Variants in DPP10 observed in about 807,000 individuals in gnomAD.
The protein encoded by DPP10 is dipeptidyl peptidase like 10.
DPP10 carries 33 observed loss-of-function variants against 120.9 expected under a neutral mutation model. That is an observed-to-expected ratio of 0.27 (90% CI 0.21 to 0.37). The LOEUF (loss-of-function observed/expected upper bound fraction) is 0.37. DPP10 is among the 10% of genes least tolerant of loss of function. DPP10 has a pLI of 1.00. For missense variants in DPP10, 816 were observed against 942.8 expected (o/e 0.87, Z 1.76); for synonymous variants, 337 against 326.1 (o/e 1.03, Z -0.36).
At chr2:115,227,273 C>G (rs1297822507) in intron 1 of DPP10, among the ~76,000 whole-genome samples, 1 of 152,114 alleles carries the variant, frequency 6.6e-6, no homozygotes, top group Non-Finnish European at 1.5e-5. Flanking sequence ...CTTACAGACT[C>G]TACTAATTTT....
intron 1 of DPP10, among the ~76,000 whole-genome samples, chr2:115,031,454 C>A (rs902434217): frequency 2.6e-5 from 4 of 152,082 alleles, no homozygotes; most frequent in Non-Finnish European, 5.9e-5. Context: ...TTGTTCCTCA[C>A]CCCTGTTGAC....
At chr2:115,760,783 T>G (rs931687651) in intron 11 of DPP10, among the ~76,000 whole-genome samples, 1 of 152,184 alleles carries the variant, frequency 6.6e-6, no homozygotes, top group Non-Finnish European at 1.5e-5. Context: ...TTTATTCGGC[T>G]GATTAGTAAG....
At chr2:115,001,661 A>C (rs1330711532) in intron 1 of DPP10, among the ~76,000 whole-genome samples, 5 of 152,160 alleles carry the variant, frequency 3.3e-5, no homozygotes, top group African/African-American at 1.2e-4. Context: ...TCTGCTCCCA[A>C]GCTCTTTGCT....
At chr2:115,821,477 A>G (rs967372152) in intron 21 of DPP10, among the ~76,000 whole-genome samples, 13 of 152,146 alleles carry the variant, frequency 8.5e-5, no homozygotes, top group Admixed American at 2.6e-4. Flanking sequence ...CGATTGATTT[A>G]GGTATGCCCT....
rs559338888 is a variant in DPP10, at chr2:114,469,731, A to C, written c.60+26893A>C. Among the ~76,000 whole-genome samples the C allele has an allele frequency of 2.0e-5, 3 of 152,302 alleles. No individual in the cohort carries two copies. In the East Asian group the frequency reaches 5.8e-4, roughly 29 times the overall value. On this transcript the variant is annotated intron_variant, in intron 1 of 25. Coordinates refer to ENST00000410059, the MANE Select transcript of DPP10 (RefSeq NM_020868.6). ...TGACAGAGTGAGACTCCATCTCAAA[A>C]AAAACAAAAATACCAAATATATGTA...
intron 1 of DPP10, among the ~76,000 whole-genome samples, chr2:114,742,826 T>C (rs910491487): frequency 3.9e-4 from 60 of 152,216 alleles, no homozygotes; most frequent in African/African-American, 1.4e-3. Flanking sequence ...AAATGCAACT[T>C]TAATACATTA....
intron 1 of DPP10, among the ~76,000 whole-genome samples, chr2:114,986,270 G>C (rs1023709565): frequency 6.6e-6 from 1 of 152,216 alleles, no homozygotes; most frequent in African/African-American, 2.4e-5. Flanking sequence ...GCATACAGAT[G>C]TGAGAAAAAC....
chr2:115,741,316 C>T (rs1445136847), intron 9 of DPP10, among the ~76,000 whole-genome samples: 1 of 150,206 alleles, frequency 6.7e-6, no homozygotes, highest in East Asian at 2.0e-4. Context: ...CAGATATACT[C>T]AGTGCTTTTT....
At chr2:114,607,178 A>G (rs932240071) in intron 1 of DPP10, among the ~76,000 whole-genome samples, 1 of 152,190 alleles carries the variant, frequency 6.6e-6, no homozygotes, top group Non-Finnish European at 1.5e-5. Flanking sequence ...TTTTATAGAA[A>G]ACATAAAATG....
At chr2:115,044,430 T>A (rs1488572813) in intron 1 of DPP10, among the ~76,000 whole-genome samples, 1 of 152,130 alleles carries the variant, frequency 6.6e-6, no homozygotes. Flanking sequence ...TTGTTACATA[T>A]GTATACATGT....
intron 1 of DPP10, among the ~76,000 whole-genome samples, chr2:114,979,829 G>A (rs1265330591): frequency 1.3e-5 from 2 of 151,946 alleles, no homozygotes; most frequent in African/African-American, 4.8e-5. Context: ...TAATTATGTA[G>A]AGTCCATGTT....
At chr2:114,778,322 T>A (rs890789789) in intron 1 of DPP10, among the ~76,000 whole-genome samples, 1 of 151,966 alleles carries the variant, frequency 6.6e-6, no homozygotes, top group African/African-American at 2.4e-5. Context: ...GTGTCATGGC[T>A]CATAGCCGAG....
At chr2:115,651,814 T>C (rs1367180464) in intron 5 of DPP10, among the ~76,000 whole-genome samples, 2 of 152,070 alleles carry the variant, frequency 1.3e-5, no homozygotes, top group Non-Finnish European at 2.9e-5. Flanking sequence ...CCTTTGTAAG[T>C]TTTGCAGATT....
chr2:115,699,027 A>C (rs1559045444), intron 7 of DPP10, among the ~76,000 whole-genome samples: 1 of 70,980 alleles, frequency 1.4e-5, no homozygotes, highest in African/African-American at 6.4e-5. Flanking sequence ...TGACTGAAAA[A>C]AAAAAAAACA....
At position 114,815,882 on chromosome 2, in the gene DPP10, GT is replaced by G. The variant is rs3036391; in HGVS notation, c.60+373059del. Among the ~76,000 whole-genome samples the G allele has an allele frequency of 8.4e-3, 1,207 of 143,976 alleles. 10 individuals are homozygous for G. Among genetic ancestry groups the G allele is most frequent in the African/African-American group, 0.023 (914 of 39,328 alleles). The allele number at this position is 143,976 out of a possible 152,430, so 94.5% of individuals were successfully genotyped here. The stretch of plus-strand genomic sequence containing the variant: ...TTGGCCAATCACTTAAATTTTCTTA[GT>G]TTTTTTTTTTTTTTCCACTTCTAAA... On this transcript the variant is annotated intron_variant, in intron 1 of 25. Transcript: ENST00000410059.
rs182017191 is a variant in DPP10 at position 114,834,302 on chromosome 2, C to T, written c.60+391464C>T. Among the ~76,000 whole-genome samples the T allele has an allele frequency of 5.2e-4, 78 of 150,876 alleles. 1 individual carries two copies. The East Asian group carries it at 0.012, about 24-fold the overall frequency. ...GTATATATAAGCCATGTCTACACAC[C>T]TATGTATATATAAGCCATGTCTACA... On this transcript the variant is annotated intron_variant, in intron 1 of 25. Transcript: ENST00000410059.
At chr2:114,445,838 C>T (rs1307506085) in intron 1 of DPP10, among the ~76,000 whole-genome samples, 3 of 152,090 alleles carry the variant, frequency 2.0e-5, no homozygotes, top group Non-Finnish European at 4.4e-5. Context: ...TTCCTATCGT[C>T]AAAACCAGTA....
intron 5 of DPP10, among the ~76,000 whole-genome samples, chr2:115,536,436 C>G (rs2078846128): frequency 6.6e-6 from 1 of 151,934 alleles, no homozygotes; most frequent in South Asian, 2.1e-4. Context: ...GATTAGCACT[C>G]TCACTATTAC....
chr2:114,732,389 C>G (rs1002333720), intron 1 of DPP10, among the ~76,000 whole-genome samples: 3 of 152,136 alleles, frequency 2.0e-5, no homozygotes, highest in Non-Finnish European at 4.4e-5. Flanking sequence ...CTGGCAGGTG[C>G]TAAACTCCAA....
Sources: allele counts gnomAD v4.1 joint callset (sites outside exome capture counted in the v4.1 genomes callset), GRCh38; gene constraint gnomAD v4.1.1; transcripts MANE v1.5; gene names NCBI Gene and HGNC (gene_info 2026-07-23, HGNC 2026-07-21).